Variants in UBA1 observed in about 807,000 individuals in gnomAD.
UBA1 encodes the protein ubiquitin-like modifier-activating enzyme 1.
In UBA1, 4 loss-of-function variants were observed where a neutral mutation model predicts 84.7. The ratio of observed to expected loss-of-function variants is 0.05; its 90% CI spans 0.02 to 0.11. The LOEUF is 0.11. Among genes scored for constraint, UBA1 ranks in the 10% least tolerant of loss-of-function variants. The probability of loss-of-function intolerance (pLI) is 1.00; values close to 1 mark genes in which losing one functional copy is unlikely to be tolerated. For missense variants in UBA1, 513 were observed against 902.8 expected (o/e 0.57, Z 5.53); for synonymous variants, 364 against 362.6 (o/e 1.00, Z -0.04).
intron 2 of UBA1, 56 bp from the exon 3 acceptor site, chrX:47,198,992 A>C (rs924097897): frequency 8.3e-7 from 1 of 1,204,081 alleles, no homozygotes; most frequent in African/African-American, 1.7e-5. Context: ...CTGTCTGTCT[A>C]TCCATGCTCC....
At chrX:47,206,617 C>T in intron 16 of UBA1, 173 bp downstream of exon 16, 1 of 476,270 alleles carries the variant, frequency 2.1e-6, no homozygotes, top group South Asian at 3.1e-5. Context: ...TCTAGAATGA[C>T]TCATTCTTTT....
At chrX:47,198,943 T>C in intron 2 of UBA1, 24 bp downstream of exon 2, 1 of 1,208,170 alleles carries the variant, frequency 8.3e-7, no homozygotes, top group Non-Finnish European at 1.1e-6. Flanking sequence ...CCGTGGAGAC[T>C]GGCAGACGAG....
At chrX:47,205,659 G>T in intron 14 of UBA1, 1 of 378,417 alleles carries the variant, frequency 2.6e-6, no homozygotes, top group Middle Eastern at 4.9e-4. Context: ...TTCAAGACCA[G>T]CCTGGGCAGC....
chrX:47,203,026 C>A lies in UBA1; in HGVS notation c.1317C>A (p.Leu439=). ...GTCTCCCTGAGGACAAAGAGGTCCT[C>A]ACAGAGGACAAGTGCCTCCAGGTAT... ...LECLPEDKEV[L]TEDKCLQRQN... Residue 439 remains leucine (L), a synonymous_variant, in exon 12 of 26, where the codon CTC becomes CTA. Coordinates refer to ENST00000335972, the MANE Select transcript of UBA1 (RefSeq NM_003334.4). 2.5e-6 allele frequency: 3 copies of A among 1,211,091 alleles called. No homozygotes were observed. The highest frequency in any genetic ancestry group is 3.4e-6 in the Non-Finnish European group (3 of 894,637).
intron 20 of UBA1, among the ~76,000 whole-genome samples, chrX:47,211,901 A>G (rs781907877): frequency 9.5e-6 from 1 of 105,571 alleles, no homozygotes; most frequent in Non-Finnish European, 1.9e-5. Context: ...AGCTCTCATC[A>G]CCTTCATATA....
Position 47,214,894 on chromosome X carries a change from G to A in UBA1, c.3142G>A (p.Val1048Ile). The change falls in exon 26 of 26, where the codon GTC becomes ATC. Residue 1048 changes from valine (V) to isoleucine (I), a missense_variant. By Grantham distance (29) the Val-to-Ile change is conservative. Transcript: ENST00000335972. The stretch of plus-strand genomic sequence containing the variant: ...CTGTAACGACGAGAGCGGCGAGGAT[G>A]TCGAGGTTCCCTATGTCCGATACAC... ...LCCNDESGED[V>I]EVPYVRYTIR The A allele has an allele frequency of 8.3e-7, 1 of 1,211,516 alleles. No individual in the cohort carries two copies.
At chrX:47,203,303 T>A (rs1556789264) in intron 13 of UBA1, 89 bp downstream of exon 13, 4 of 1,017,306 alleles carry the variant, frequency 3.9e-6, no homozygotes, top group Non-Finnish European at 5.5e-6. Context: ...ATGCAACCGG[T>A]GGCGCATTCT....
At chrX:47,194,242 G>A (rs1472979368) in intron 1 of UBA1, among the ~76,000 whole-genome samples, 1 of 111,742 alleles carries the variant, frequency 8.9e-6, no homozygotes, top group African/African-American at 3.3e-5. Flanking sequence ...CTTGGAGTCG[G>A]ACCCCCAGGA....
intron 1 of UBA1, among the ~76,000 whole-genome samples, chrX:47,196,809 A>G (rs1936219426): frequency 8.9e-6 from 1 of 111,814 alleles, no homozygotes; most frequent in South Asian, 3.7e-4. Context: ...AGGAAATGGC[A>G]TGTCCCAAAC....
chrX:47,211,352 C>T (rs1315986501), intron 20 of UBA1, 127 bp downstream of exon 20: 2 of 785,751 alleles, frequency 2.5e-6, no homozygotes, highest in African/African-American at 2.0e-5. Context: ...TTTACCCACA[C>T]CTTCCTTTGA....
intron 17 of UBA1, 74 bp from the exon 18 acceptor site, chrX:47,209,854 A>G: frequency 8.7e-7 from 1 of 1,150,889 alleles, no homozygotes. Flanking sequence ...CCATGGAGAA[A>G]GTAAGATTGC....
At position 47,202,511 on chromosome X, in the gene UBA1, G is replaced by C; in HGVS notation, c.1056+7G>C. The C allele has an allele frequency of 8.3e-7, 1 of 1,200,600 alleles. No individual in the cohort carries two copies. Among genetic ancestry groups the C allele is most frequent in the Non-Finnish European group, 1.1e-6 (1 of 889,845 alleles). ...ACCTCGGCCCCGCAATGAGGTGGGT[G>C]AGTGGGCGAGCCAGCCAGCGCAGAC... On this transcript the variant is annotated splice_region_variant and intron_variant, in intron 10 of 25. Coordinates refer to ENST00000335972, the MANE Select transcript of UBA1 (RefSeq NM_003334.4).
intron 1 of UBA1, among the ~76,000 whole-genome samples, chrX:47,194,775 T>C (rs1416448876): frequency 8.9e-6 from 1 of 112,168 alleles, no homozygotes; most frequent in Non-Finnish European, 1.9e-5. Flanking sequence ...ATTCCTAGAC[T>C]CTGTCCTTTG....
chrX:47,214,445 ACT>A lies in UBA1; in HGVS notation c.2940+20_2940+21del. ...TATTTTAAGGTAAGGCCCCTCCCTT[ACT>A]CTGTCACCCCACCTCAGGGGGCGAG... On this transcript the variant is annotated intron_variant, in intron 24 of 25. Coordinates refer to ENST00000335972, the MANE Select transcript of UBA1 (RefSeq NM_003334.4). 8.3e-7 allele frequency: 1 copy of A among 1,206,387 alleles called. No homozygotes were observed. Among genetic ancestry groups the A allele is most frequent in the Non-Finnish European group, 1.1e-6 (1 of 891,232 alleles).
intron 16 of UBA1, among the ~76,000 whole-genome samples, chrX:47,208,365 C>G (rs1936777158): frequency 9.0e-6 from 1 of 111,477 alleles, no homozygotes; most frequent in African/African-American, 3.3e-5. Context: ...GTGCCCGTTA[C>G]GTTGACCAGG....
chrX:47,205,257 G>C, intron 14 of UBA1: 1 of 256,152 alleles, frequency 3.9e-6, no homozygotes, highest in Non-Finnish European at 7.7e-6. Flanking sequence ...GGAGGGACGT[G>C]GCCCAATTTG....
Position 47,214,967 on chromosome X carries a change from C to A in UBA1, c.*38C>A. ...CTCTAGGCTGGCCCCTTGTCCACCC[C>A]TCTCCACACCCCTTCCAGCCCAGGG... On this transcript the variant is annotated 3_prime_UTR_variant, in exon 26 of 26. Coordinates refer to ENST00000335972, the MANE Select transcript of UBA1 (RefSeq NM_003334.4). The A allele has an allele frequency of 8.3e-7, 1 of 1,205,909 alleles. No individual in the cohort carries two copies.
At chrX:47,198,980 C>T (rs1323041189) in intron 2 of UBA1, 61 bp downstream of exon 2, 1 of 1,201,406 alleles carries the variant, frequency 8.3e-7, no homozygotes, top group African/African-American at 1.7e-5. Flanking sequence ...TCTTTTGTAT[C>T]ACTGTCTGTC....
intron 8 of UBA1, 109 bp from the exon 9 acceptor site, chrX:47,202,047 C>T (rs1936435123): frequency 1.6e-6 from 1 of 644,025 alleles, no homozygotes; most frequent in Non-Finnish European, 2.5e-6. Context: ...TGAGGGAAGA[C>T]AGCTTCTGAT....
Sources: allele counts gnomAD v4.1 joint callset (sites outside exome capture counted in the v4.1 genomes callset), GRCh38; gene constraint gnomAD v4.1.1; transcripts MANE v1.5; gene names NCBI Gene and HGNC (gene_info 2026-07-23, HGNC 2026-07-21).